Variants in SERPINE2 observed in about 807,000 individuals in gnomAD.
SERPINE2 encodes the protein serpin family E member 2.
A neutral mutation model predicts 36.3 loss-of-function variants in SERPINE2; 14 were observed. The ratio of observed to expected loss-of-function variants is 0.39; its 90% confidence interval spans 0.25 to 0.60. SERPINE2 has a LOEUF of 0.60. Ranked by LOEUF, SERPINE2 falls within the 20% of genes least tolerant of loss-of-function variation. The pLI is 0.57. For missense variants in SERPINE2, 418 were observed against 499.6 expected (o/e 0.84, Z 1.56); for synonymous variants, 192 against 191.8 (o/e 1.00, Z -0.01).
At chr2:224,023,939 C>A (rs753672036) in intron 1 of SERPINE2, among the ~76,000 whole-genome samples, 52 of 152,148 alleles carry the variant, frequency 3.4e-4, no homozygotes, top group Non-Finnish European at 6.8e-4. Flanking sequence ...TTCAGTGTAA[C>A]TTTTTGGCAT....
At chr2:223,975,947 T>A in intron 8 of SERPINE2, 43 bp from the exon 9 acceptor site, 1 of 1,538,068 alleles carries the variant, frequency 6.5e-7, no homozygotes, top group South Asian at 1.2e-5. Flanking sequence ...TGTAAATTAA[T>A]AATCCTTAAA....
At chr2:223,986,314 G>A (rs1300623435) in intron 4 of SERPINE2, among the ~76,000 whole-genome samples, 1 of 152,166 alleles carries the variant, frequency 6.6e-6, no homozygotes, top group Non-Finnish European at 1.5e-5. Context: ...TGCATTTCCT[G>A]CAGGGCTGTT....
chr2:223,980,270 C>T, intron 7 of SERPINE2, 41 bp downstream of exon 7: 2 of 1,502,676 alleles, frequency 1.3e-6, no homozygotes, highest in Non-Finnish European at 1.9e-6. Context: ...TGTGTTTGCT[C>T]CCCTGCTAGA....
intron 1 of SERPINE2, among the ~76,000 whole-genome samples, chr2:224,020,509 C>A (rs930553138): frequency 4.6e-5 from 7 of 152,222 alleles, no homozygotes; most frequent in Non-Finnish European, 1.0e-4. Flanking sequence ...ACTGATCTCA[C>A]TCCGTTTGCC....
chr2:224,016,679 G>A (rs1691810956), intron 1 of SERPINE2, among the ~76,000 whole-genome samples: 1 of 152,112 alleles, frequency 6.6e-6, no homozygotes, highest in South Asian at 2.1e-4. Flanking sequence ...GTATACCAAT[G>A]TTCACAGCAA....
chr2:224,030,840 T>C, intron 1 of SERPINE2: 1 of 427,634 alleles, frequency 2.3e-6, no homozygotes, highest in African/African-American at 2.2e-5. Flanking sequence ...AGTTATTCGC[T>C]TGGACTCTTG....
At chr2:224,012,365 T>C (rs1461817797) in intron 1 of SERPINE2, among the ~76,000 whole-genome samples, 1 of 152,078 alleles carries the variant, frequency 6.6e-6, no homozygotes, top group Admixed American at 6.5e-5. Flanking sequence ...TGAAGAAAAC[T>C]TAAAGACATG....
intron 8 of SERPINE2, 101 bp from the exon 9 acceptor site, chr2:223,976,005 G>T: frequency 1.8e-6 from 2 of 1,100,896 alleles, no homozygotes; most frequent in Non-Finnish European, 2.6e-6. Context: ...AATCATGTTT[G>T]ACCTCTTGCT....
chr2:224,011,598 C>G (rs1255480148), intron 1 of SERPINE2, among the ~76,000 whole-genome samples: 1 of 152,186 alleles, frequency 6.6e-6, no homozygotes, highest in Non-Finnish European at 1.5e-5. Context: ...AACTAACACT[C>G]TCTGGATTCT....
intron 1 of SERPINE2, among the ~76,000 whole-genome samples, chr2:224,036,864 G>A (rs1207616762): frequency 6.6e-6 from 1 of 151,766 alleles, no homozygotes; most frequent in African/African-American, 2.4e-5. Flanking sequence ...GGGAGAGACT[G>A]AAGATAAAAG....
intron 2 of SERPINE2, among the ~76,000 whole-genome samples, chr2:223,999,817 G>A (rs371024689): frequency 2.6e-5 from 4 of 152,148 alleles, no homozygotes; most frequent in South Asian, 4.1e-4. Flanking sequence ...TGTCTCGGCC[G>A]ACACAGCCTG....
In SERPINE2 at chr2:224,025,846, A is replaced by G. The variant is rs1010524469; in HGVS notation, c.-23+13253T>C. Among the ~76,000 whole-genome samples, 10 of 152,254 alleles carry G rather than the reference A, an allele frequency of 6.6e-5. No individual in the cohort carries two copies. The East Asian group carries it at 1.9e-3, about 29-fold the overall frequency. ...AAAATATATTGACGATCCACACAGC[A>G]TATTAGTGATCGTGTTACTTTTAAA... On this transcript the variant is annotated intron_variant, in intron 1 of 8. Transcript: ENST00000409304.
At chr2:223,982,570 TAC>T in intron 6 of SERPINE2, 109 bp downstream of exon 6, 2 of 589,582 alleles carry the variant, frequency 3.4e-6, no homozygotes, top group Non-Finnish European at 2.9e-6. Context: ...TGAAACCTTG[TAC>T]AGTTTCAGGG....
chr2:224,019,414 G>A (rs1691912931), intron 1 of SERPINE2, among the ~76,000 whole-genome samples: 2 of 152,180 alleles, frequency 1.3e-5, no homozygotes, highest in Admixed American at 1.3e-4. Context: ...ACAGTGCCCT[G>A]TCCTCCTTGC....
At chr2:224,031,594 ACTC>A in intron 1 of SERPINE2, 1 of 684,248 alleles carries the variant, frequency 1.5e-6, no homozygotes, top group Non-Finnish European at 1.8e-6. Flanking sequence ...ACAGGACCTC[ACTC>A]CTCTGCCCAC....
At chr2:224,002,658 A>ATTTTTTTTTTTTTTTTTTT (rs11418943) in intron 1 of SERPINE2, among the ~76,000 whole-genome samples, 1 of 116,532 alleles carries the variant, frequency 8.6e-6, no homozygotes, top group Non-Finnish European at 1.7e-5. Flanking sequence ...TCGTCTGGCA[A>ATTTTTTTTTTTTTTTTTTT]TTTTTTTTTT....
chr2:223,986,419 A>AG (rs1690432026), intron 4 of SERPINE2, among the ~76,000 whole-genome samples: 2 of 152,122 alleles, frequency 1.3e-5, no homozygotes, highest in South Asian at 4.1e-4. Context: ...AATGAAAGAG[A>AG]GGATTCTTCG....
At chr2:224,022,286 C>T (rs1183634167) in intron 1 of SERPINE2, among the ~76,000 whole-genome samples, 2 of 147,516 alleles carry the variant, frequency 1.4e-5, no homozygotes, top group Admixed American at 6.8e-5. Context: ...GAGCCCAGAT[C>T]ACACCACTGT....
At chr2:224,027,229 C>G (rs1022769341) in intron 1 of SERPINE2, among the ~76,000 whole-genome samples, 1 of 152,236 alleles carries the variant, frequency 6.6e-6, no homozygotes, top group Admixed American at 6.5e-5. Flanking sequence ...CTCCCCTAAT[C>G]TCGCATAGGA....
Sources: allele counts gnomAD v4.1 joint callset (sites outside exome capture counted in the v4.1 genomes callset), GRCh38; gene constraint gnomAD v4.1.1; transcripts MANE v1.5; gene names NCBI Gene and HGNC (gene_info 2026-07-23, HGNC 2026-07-21).